The following DTHD1 variants were observed in gnomAD, a reference collection of about 807,000 sequenced individuals.
The protein encoded by DTHD1 is death domain containing 1.
Under a neutral mutation model 74.8 loss-of-function variants are expected in DTHD1, and 59 were observed. The observed-to-expected ratio is 0.79, with a 90% CI of 0.64 to 0.98. DTHD1 has a LOEUF of 0.98. Among genes scored for constraint, DTHD1 ranks in the 50% least tolerant of loss-of-function variants. The pLI, the probability that DTHD1 is intolerant of heterozygous loss-of-function variation, is 0.00. For synonymous variants in DTHD1, 365 were observed against 371.1 expected (o/e 0.98, Z 0.19); for missense variants, 1,051 against 1,065.4 (o/e 0.99, Z 0.19).
intron 2 of DTHD1, among the ~76,000 whole-genome samples, chr4:36,286,667 A>T (rs1244373426): frequency 1.3e-5 from 2 of 152,244 alleles, no homozygotes; most frequent in Non-Finnish European, 2.9e-5. Flanking sequence ...TTGTGCAAAC[A>T]CTGCAGAATG....
intron 7 of DTHD1, among the ~76,000 whole-genome samples, chr4:36,309,712 T>G (rs947789735): frequency 1.7e-4 from 26 of 152,172 alleles, no homozygotes; most frequent in African/African-American, 5.8e-4. Flanking sequence ...AACTAAACAC[T>G]GACACCAGTA....
chr4:36,336,712 G>T (rs1048012858), intron 8 of DTHD1, among the ~76,000 whole-genome samples: 3 of 152,188 alleles, frequency 2.0e-5, no homozygotes, highest in Non-Finnish European at 2.9e-5. Flanking sequence ...AAGCAAGCAT[G>T]TAATTAGATA....
intron 8 of DTHD1, among the ~76,000 whole-genome samples, chr4:36,317,852 G>T (rs1757818678): frequency 6.6e-6 from 1 of 152,196 alleles, no homozygotes; most frequent in Non-Finnish European, 1.5e-5. Context: ...TAGAAGTTTT[G>T]TGGTGTTTGT....
rs1759496838 is a variant in DTHD1, at chr4:36,344,596, G to A, written c.*772G>A. The A allele has an allele frequency of 1.3e-5, 2 of 152,218 alleles. No homozygotes were observed. Among genetic ancestry groups the A allele is most frequent in the East Asian group, 3.8e-4 (2 of 5,204 alleles). 9.4% of individuals were successfully genotyped at this position (152,218 alleles called of 1,614,324 possible). A position where few individuals can be genotyped will look rare whatever the true frequency, so the allele number is the denominator to read the frequency against. ...AAGCCTCCAGGTAGCAGACTTTAGA[G>A]GGAATAGATTGTAAATATTTCTGAT... On this transcript the variant is annotated 3_prime_UTR_variant, in exon 10 of 10. Coordinates refer to ENST00000639862, the MANE Select transcript of DTHD1 (RefSeq NM_001170700.3).
In DTHD1 at chr4:36,324,213, C is replaced by T. The variant is rs1758205834; in HGVS notation, c.2340+7727C>T. Among the ~76,000 whole-genome samples, 2 of 151,738 alleles carry T rather than the reference C, an allele frequency of 1.3e-5. 1 individual carries two copies. Among genetic ancestry groups the T allele is most frequent in the South Asian group, 4.2e-4 (2 of 4,768 alleles). ...CTCCACTCTCCTCCCCTTATCTCTT[C>T]CTCTGCACCTTCTTTTTCCTGTCCC... On this transcript the variant is annotated intron_variant, in intron 8 of 9. Transcript: ENST00000639862.
At chr4:36,306,450 T>A in intron 6 of DTHD1, 98 bp downstream of exon 6, 1 of 1,257,474 alleles carries the variant, frequency 8.0e-7, no homozygotes, top group Non-Finnish European at 1.1e-6. Context: ...TTTTTATTCT[T>A]CGAATAGAAA....
At position 36,344,013 on chromosome 4, in the gene DTHD1, G is replaced by A. The variant is rs536902622; in HGVS notation, c.*189G>A. On this transcript the variant is annotated 3_prime_UTR_variant, in exon 10 of 10. Transcript: ENST00000639862. ...ATAGAAAGCATTCCTGGGTGTGAGCGCTCCTCTCTGGTTGAGTGATTATGT... is the reference window on the plus strand; with the variant it reads ...ATAGAAAGCATTCCTGGGTGTGAGCACTCCTCTCTGGTTGAGTGATTATGT... 7.6e-5 allele frequency: 46 copies of A among 608,530 alleles called. No homozygotes were observed. Among genetic ancestry groups the A allele is most frequent in the Admixed American group, 9.3e-5 (3 of 32,324 alleles). 37.7% of individuals were successfully genotyped at this position (608,530 alleles called of 1,614,324 possible).
rs1759582764 is a variant in DTHD1, at chr4:36,346,316, C to T, written c.*2492C>T. On this transcript the variant is annotated 3_prime_UTR_variant, in exon 10 of 10. Coordinates refer to ENST00000639862, the MANE Select transcript of DTHD1 (RefSeq NM_001170700.3). ...CATATACAATCTCATTAAAACACTC[C>T]CTGTCATAACCCTCCCGTCTTTCTT... 6.6e-6 allele frequency among the ~76,000 whole-genome samples: 1 copy of T among 151,900 alleles called. No individual in the cohort carries two copies. The highest frequency in any genetic ancestry group is 2.4e-5 in the African/African-American group (1 of 41,358).
chr4:36,295,035 A>C lies in DTHD1; in HGVS notation c.1639A>C (p.Asn547His). 6.5e-7 allele frequency: 1 copy of C among 1,532,160 alleles called. No individual in the cohort carries two copies. The highest frequency in any genetic ancestry group is 8.8e-7 in the Non-Finnish European group (1 of 1,133,672). 94.9% of individuals were successfully genotyped at this position (1,532,160 alleles called of 1,614,324 possible). A position where few individuals can be genotyped will look rare whatever the true frequency, so the allele number is the denominator to read the frequency against. The change falls in exon 5 of 10, where the codon AAC (asparagine) becomes CAC (histidine). Residue 547 changes from asparagine to histidine, a missense_variant. Coordinates refer to ENST00000639862, the MANE Select transcript of DTHD1 (RefSeq NM_001170700.3). ...AAATAGGATTACACCTTCGTATTTC[A>C]ACCGGTGAGTAAGTTTCTAATATTG... is the stretch of plus-strand genomic sequence containing the variant. ...TINRITPSYF[N>H]RTKIASIRKP...
intron 7 of DTHD1, among the ~76,000 whole-genome samples, chr4:36,316,026 C>G (rs1578470447): frequency 6.6e-6 from 1 of 152,198 alleles, no homozygotes; most frequent in East Asian, 1.9e-4. Context: ...AGCACCGCCT[C>G]CTGGGTTCAC....
At chr4:36,331,127 C>A (rs56227155) in intron 8 of DTHD1, among the ~76,000 whole-genome samples, 42,313 of 151,832 alleles carry the variant, frequency 0.28, 6,356 homozygotes, top group South Asian at 0.4. Flanking sequence ...ATAAATAAAT[C>A]TTTTATTTTG....
intron 3 of DTHD1, 110 bp from the exon 4 acceptor site, chr4:36,293,416 G>T: frequency 1.2e-6 from 1 of 828,392 alleles, no homozygotes; most frequent in Non-Finnish European, 1.7e-6. Context: ...TAAGTTGTAG[G>T]TGATTAAATA....
rs192350906 is a variant in DTHD1, at chr4:36,346,889, G to C, written c.*3065G>C. Reference sequence around the variant, plus strand: ...TCTTCTTGTCTCTTCAAGTCTAAGGGTGGTAATAGCTCTCTTGTTGTTTGG... The same window carrying C: ...TCTTCTTGTCTCTTCAAGTCTAAGGCTGGTAATAGCTCTCTTGTTGTTTGG... On this transcript the variant is annotated 3_prime_UTR_variant, in exon 10 of 10. Coordinates refer to ENST00000639862, the MANE Select transcript of DTHD1 (RefSeq NM_001170700.3). Among the ~76,000 whole-genome samples, 1 of 152,010 alleles carries C rather than the reference G, an allele frequency of 6.6e-6. No homozygotes were observed. The highest frequency in any genetic ancestry group is 1.5e-5 in the Non-Finnish European group (1 of 68,008).
intron 7 of DTHD1, chr4:36,311,155 G>A (rs1205835702): frequency 6.6e-6 from 1 of 152,214 alleles, no homozygotes; most frequent in Non-Finnish European, 1.5e-5. Context: ...AACCAAGAGC[G>A]TCCAAGGCAG....
chr4:36,319,245 T>C (rs367569625), intron 8 of DTHD1, among the ~76,000 whole-genome samples: 45 of 152,336 alleles, frequency 3.0e-4, no homozygotes, highest in African/African-American at 1.0e-3. Context: ...CTTCTGTGAT[T>C]AGAACAGTGC....
intron 4 of DTHD1, 105 bp from the exon 5 acceptor site, chr4:36,294,690 T>C: frequency 9.1e-7 from 1 of 1,096,106 alleles, no homozygotes; most frequent in East Asian, 2.7e-5. Context: ...TAGAGAAATG[T>C]ATAAAACTAT....
rs1236486217 is a variant in DTHD1, at chr4:36,293,724, G to A, written c.1398+19G>A. ...GTTAAAGGTAAACATATTAAAAATA[G>A]GTGAGTTCCTGCTCATAGATTTTGT... On this transcript the variant is annotated intron_variant, in intron 4 of 9. Coordinates refer to ENST00000639862, the MANE Select transcript of DTHD1 (RefSeq NM_001170700.3). 9 of 1,474,102 alleles carry A rather than the reference G, an allele frequency of 6.1e-6. No individual in the cohort carries two copies. The highest frequency in any genetic ancestry group is 6.4e-6 in the Non-Finnish European group (7 of 1,099,416). The allele number at this position is 1,474,102 out of a possible 1,614,324, so 91.3% of individuals were successfully genotyped here.
Position 36,303,277 on chromosome 4 carries a change from TG to T in DTHD1, c.1644-2913del, listed in dbSNP as rs572149745. 4.8e-3 allele frequency among the ~76,000 whole-genome samples: 738 copies of T among 152,336 alleles called. 3 individuals are homozygous for T. The highest frequency in any genetic ancestry group is 0.017 in the African/African-American group (703 of 41,572). On this transcript the variant is annotated intron_variant, in intron 5 of 9. Coordinates refer to ENST00000639862, the MANE Select transcript of DTHD1 (RefSeq NM_001170700.3). ...GTTTAGTTGCAGAGCTGTTACCAGT[TG>T]TGAGACACAAGTATACTATCAGATT...
intron 8 of DTHD1, among the ~76,000 whole-genome samples, chr4:36,327,117 C>A (rs1476842714): frequency 6.6e-6 from 1 of 152,072 alleles, no homozygotes; most frequent in Non-Finnish European, 1.5e-5. Flanking sequence ...CAGGTGCCTG[C>A]CACCTCGCCT....
Sources: gnomAD v4.1 joint callset for allele counts (sites outside exome capture counted in the v4.1 genomes callset) on GRCh38, gnomAD v4.1.1 for gene constraint, MANE v1.5 for transcripts, NCBI Gene and HGNC (gene_info 2026-07-23, HGNC 2026-07-21) for gene names.